The following SCAPER variants were observed in gnomAD, a reference collection of about 807,000 sequenced individuals.
SCAPER encodes S-phase cyclin A associated protein in the ER, also known as S phase cyclin A-associated protein in the endoplasmic reticulum.
A neutral mutation model predicts 182.2 loss-of-function variants in SCAPER; 98 were observed. The ratio of observed to expected loss-of-function variants is 0.54; its 90% CI spans 0.46 to 0.64. SCAPER has a LOEUF of 0.64. Ranked by LOEUF, SCAPER falls within the 30% of genes least tolerant of loss-of-function variation. The probability of loss-of-function intolerance (pLI) is 0.00; values close to 1 mark genes in which losing one functional copy is unlikely to be tolerated. For missense variants in SCAPER, 1,432 were observed against 1,690.0 expected, an observed-to-expected ratio of 0.85 and a Z score of 2.68; for synonymous variants, 605 against 564.6, an observed-to-expected ratio of 1.07 and a Z score of -1.01.
chr15:76,363,105 G>A (rs1194814403), intron 29 of SCAPER, among the ~76,000 whole-genome samples: 2 of 152,232 alleles, frequency 1.3e-5, no homozygotes, highest in Non-Finnish European at 2.9e-5. Flanking sequence ...CAGAGCAGTT[G>A]TTTAGGCAAA....
intron 15 of SCAPER, 61 bp from the exon 16 acceptor site, chr15:76,733,445 A>AAT: frequency 6.4e-7 from 1 of 1,561,230 alleles, no homozygotes; most frequent in Non-Finnish European, 8.6e-7. Context: ...CATTACAAAA[A>AAT]TAAGAAATCT....
chr15:76,563,128 G>C (rs1318023005), intron 23 of SCAPER, among the ~76,000 whole-genome samples: 1 of 152,138 alleles, frequency 6.6e-6, no homozygotes, highest in East Asian at 1.9e-4. Context: ...AGAGAAAGGA[G>C]TGTAATTAGC....
intron 23 of SCAPER, among the ~76,000 whole-genome samples, chr15:76,526,774 C>A (rs548185553): frequency 6.6e-6 from 1 of 151,890 alleles, no homozygotes; most frequent in East Asian, 1.9e-4. Context: ...TCATTTTTGC[C>A]TCTTTTTTCA....
chr15:76,396,765 G>C (rs1289734110), intron 27 of SCAPER, among the ~76,000 whole-genome samples: 2 of 152,150 alleles, frequency 1.3e-5, no homozygotes, highest in Non-Finnish European at 2.9e-5. Context: ...TGTAAAAAAG[G>C]ATAATTTGAC....
chr15:76,693,674 A>T lies in SCAPER; in HGVS notation c.2508+8084T>A, dbSNP rs193189034. The stretch of plus-strand genomic sequence containing the variant: ...AATGGAATATTATTCAGCCCTTTAA[A>T]AAAAGAAATTCTGATATATACAACA... On this transcript the variant is annotated intron_variant, in intron 20 of 31. Transcript: ENST00000563290. Among the ~76,000 whole-genome samples the T allele has an allele frequency of 7.9e-3, 1,210 of 152,292 alleles. 11 individuals carry two copies. The highest frequency in any genetic ancestry group is 0.028 in the African/African-American group (1,149 of 41,578).
intron 5 of SCAPER, among the ~76,000 whole-genome samples, chr15:76,824,721 A>ATT (rs5813850): frequency 6.6e-6 from 1 of 151,872 alleles, no homozygotes; most frequent in Non-Finnish European, 1.5e-5. Flanking sequence ...TCAATCACTC[A>ATT]TTTTTTTAAA....
intron 23 of SCAPER, among the ~76,000 whole-genome samples, chr15:76,563,283 G>A (rs1887876646): frequency 6.6e-6 from 1 of 152,034 alleles, no homozygotes; most frequent in African/African-American, 2.4e-5. Flanking sequence ...AAGGCAAGAG[G>A]TTTCAAAGAT....
chr15:76,470,369 GAGTC>G (rs1191312616), intron 25 of SCAPER, among the ~76,000 whole-genome samples: 1 of 152,162 alleles, frequency 6.6e-6, no homozygotes, highest in African/African-American at 2.4e-5. Flanking sequence ...TCTGGGGAAA[GAGTC>G]AGGCTGGGGA....
intron 25 of SCAPER, among the ~76,000 whole-genome samples, chr15:76,455,559 C>A (rs2048665861): frequency 6.6e-6 from 1 of 152,196 alleles, no homozygotes; most frequent in African/African-American, 2.4e-5. Context: ...TGCACCACAG[C>A]TTTGAACTCT....
intron 2 of SCAPER, among the ~76,000 whole-genome samples, chr15:76,869,489 G>A (rs2072541203): frequency 6.6e-6 from 1 of 151,894 alleles, no homozygotes; most frequent in Admixed American, 6.6e-5. Context: ...ATACAAAATG[G>A]CCAACAGATA....
intron 23 of SCAPER, among the ~76,000 whole-genome samples, chr15:76,551,164 A>C (rs2045737742): frequency 6.6e-6 from 1 of 152,202 alleles, no homozygotes; most frequent in African/African-American, 2.4e-5. Flanking sequence ...TCTTCAAAAA[A>C]CTAAAAATAG....
intron 14 of SCAPER, among the ~76,000 whole-genome samples, chr15:76,760,783 T>C (rs939207167): frequency 3.9e-5 from 6 of 152,188 alleles, no homozygotes; most frequent in Admixed American, 6.5e-5. Context: ...AGATCACATA[T>C]TGGAAAAACA....
chr15:76,874,451 A>G (rs1343098180), intron 2 of SCAPER, among the ~76,000 whole-genome samples: 2 of 152,152 alleles, frequency 1.3e-5, no homozygotes, highest in Admixed American at 6.5e-5. Context: ...AAAAATCAAT[A>G]TAATACAAGA....
In SCAPER at chr15:76,606,179, C is replaced by T. The variant is rs182710532; in HGVS notation, c.2711+15585G>A. 5.4e-3 allele frequency among the ~76,000 whole-genome samples: 829 copies of T among 152,304 alleles called. 7 individuals are homozygous for T. The highest frequency in any genetic ancestry group is 0.019 in the African/African-American group (790 of 41,558). ...ATTTAGTGCTATGAATTTCCCTCTA[C>T]ACACTGCTTTGAATGTGTCCCAGAG... On this transcript the variant is annotated intron_variant, in intron 22 of 31. Coordinates refer to ENST00000563290, the MANE Select transcript of SCAPER (RefSeq NM_020843.4).
At chr15:76,858,088 T>C (rs566361659) in intron 3 of SCAPER, among the ~76,000 whole-genome samples, 1 of 152,234 alleles carries the variant, frequency 6.6e-6, no homozygotes, top group African/African-American at 2.4e-5. Flanking sequence ...AACAACAAAT[T>C]TCCAAAGTCC....
chr15:76,511,024 TCTCA>T (rs1171476759), intron 23 of SCAPER, among the ~76,000 whole-genome samples: 3 of 152,176 alleles, frequency 2.0e-5, no homozygotes, highest in African/African-American at 7.2e-5. Context: ...CATTGTATGT[TCTCA>T]CTCATAAGTG....
chr15:76,420,162 A>G (rs2045926750), intron 26 of SCAPER, among the ~76,000 whole-genome samples: 1 of 152,076 alleles, frequency 6.6e-6, no homozygotes, highest in Non-Finnish European at 1.5e-5. Flanking sequence ...CTTAAGACAA[A>G]CCCACAGCTA....
At chr15:76,571,353 C>T (rs1282619637) in intron 23 of SCAPER, among the ~76,000 whole-genome samples, 1 of 152,088 alleles carries the variant, frequency 6.6e-6, no homozygotes, top group South Asian at 2.1e-4. Flanking sequence ...ACAGAAGTGG[C>T]TTAAGATTTT....
At chr15:76,559,015 A>G (rs1381442811) in intron 23 of SCAPER, among the ~76,000 whole-genome samples, 2 of 151,776 alleles carry the variant, frequency 1.3e-5, no homozygotes, top group Non-Finnish European at 2.9e-5. Flanking sequence ...TTCTTGTGAT[A>G]GTGAGTGAGT....
Sources: gnomAD v4.1 joint callset for allele counts (sites outside exome capture counted in the v4.1 genomes callset) on GRCh38, gnomAD v4.1.1 for gene constraint, MANE v1.5 for transcripts, NCBI Gene and HGNC (gene_info 2026-07-23, HGNC 2026-07-21) for gene names.